The following IL17RD variants were observed in gnomAD, a reference collection of about 807,000 sequenced individuals.
The protein encoded by IL17RD is interleukin 17 receptor D, also known as interleukin-17 receptor D.
Under a neutral mutation model 80.5 loss-of-function variants are expected in IL17RD, and 52 were observed. The ratio of observed to expected loss-of-function variants is 0.65; its 90% CI spans 0.52 to 0.81. IL17RD has a LOEUF of 0.81. Ranked by LOEUF, IL17RD falls within the 40% of genes least tolerant of loss-of-function variation. IL17RD has a pLI of 0.00. For synonymous variants in IL17RD, 416 were observed against 391.8 expected (o/e 1.06, Z -0.73); for missense variants, 1,024 against 955.1 (o/e 1.07, Z -0.95).
At chr3:57,133,070 T>A (rs1400916219) in intron 1 of IL17RD, among the ~76,000 whole-genome samples, 1 of 152,162 alleles carries the variant, frequency 6.6e-6, no homozygotes, top group Non-Finnish European at 1.5e-5. Context: ...ACAGCAAAAC[T>A]CATTCAGCTT....
At chr3:57,150,226 T>A (rs1433556333) in intron 1 of IL17RD, 1 of 152,280 alleles carries the variant, frequency 6.6e-6, no homozygotes, top group African/African-American at 2.4e-5. Flanking sequence ...TTTGGGAATC[T>A]TTGGGGTAAT....
At chr3:57,132,691 T>C (rs1707637462) in intron 1 of IL17RD, among the ~76,000 whole-genome samples, 1 of 152,188 alleles carries the variant, frequency 6.6e-6, no homozygotes, top group East Asian at 1.9e-4. Flanking sequence ...GTTGAGCACA[T>C]AAACCCATCA....
At chr3:57,121,419 A>G (rs1401134668) in intron 1 of IL17RD, among the ~76,000 whole-genome samples, 1 of 152,132 alleles carries the variant, frequency 6.6e-6, no homozygotes, top group Admixed American at 6.5e-5. Flanking sequence ...GTATCCCTGA[A>G]CTCAGATATA....
At chr3:57,135,476 T>C (rs1707706139) in intron 1 of IL17RD, among the ~76,000 whole-genome samples, 1 of 152,224 alleles carries the variant, frequency 6.6e-6, no homozygotes, top group African/African-American at 2.4e-5. Context: ...TTTGTAAAGA[T>C]AACAAGTTCA....
intron 2 of IL17RD, among the ~76,000 whole-genome samples, chr3:57,116,283 T>A (rs1347480949): frequency 6.3e-4 from 2 of 3,170 alleles, no homozygotes; most frequent in African/African-American, 2.0e-3. Context: ...TTTTCTTTTC[T>A]TTTTTTTTTT....
intron 1 of IL17RD, among the ~76,000 whole-genome samples, chr3:57,138,513 G>A (rs1707770283): frequency 6.6e-6 from 1 of 152,190 alleles, no homozygotes; most frequent in East Asian, 1.9e-4. Context: ...AGGTCTGAGA[G>A]GCATTTTTAA....
chr3:57,106,247 C>G (rs1706964006), intron 5 of IL17RD, 93 bp from the exon 6 acceptor site: 1 of 888,596 alleles, frequency 1.1e-6, no homozygotes, highest in Non-Finnish European at 1.8e-6. Flanking sequence ...GATACTGTGC[C>G]GGGTGATGCT....
At chr3:57,169,738 CT>C (rs2060361630), upstream of IL17RD, among the ~76,000 whole-genome samples, 2 of 152,156 alleles carry the variant, frequency 1.3e-5, no homozygotes, top group Non-Finnish European at 1.5e-5. Flanking sequence ...CACTGTACCC[CT>C]GACCCCAGTC....
Position 57,096,478 on chromosome 3 carries a change from G to C in IL17RD, c.2135C>G (p.Ser712Cys), listed in dbSNP as rs751675909. ...GCATGACCCAGAAGAGAGGAGCTTG[G>C]AAGGAAGGGCAGGAGGTTCCTCCTC... ...LGEEEPPALPSKLLSSGSCKA... is the reference protein window; with the variant it reads ...LGEEEPPALPCKLLSSGSCKA... The change falls in exon 13 of 13, where the codon TCC becomes TGC. Residue 712 changes from serine (S) to cysteine (C), a missense_variant. Ser to Cys is a moderately radical substitution (Grantham distance 112). Transcript: ENST00000296318. 1.9e-6 allele frequency: 3 copies of C among 1,613,692 alleles called. No homozygotes were observed. Among genetic ancestry groups the C allele is most frequent in the Non-Finnish European group, 1.7e-6 (2 of 1,179,694 alleles).
chr3:57,096,186 C>G lies in IL17RD; in HGVS notation c.*207G>C, dbSNP rs1244466191. On this transcript the variant is annotated 3_prime_UTR_variant, in exon 13 of 13. Coordinates refer to ENST00000296318, the MANE Select transcript of IL17RD (RefSeq NM_017563.5). ...GACCTTATGGACATGCCTTTCAGAG[C>G]TCCATATCATTTTAGAAAATTGGAG... 5.3e-6 allele frequency: 3 copies of G among 561,260 alleles called. No individual in the cohort carries two copies. The highest frequency in any genetic ancestry group is 9.7e-6 in the Non-Finnish European group (3 of 309,542). 34.8% of individuals were successfully genotyped at this position (561,260 alleles called of 1,614,324 possible).
At chr3:57,097,158 T>C (rs1248953195) in intron 12 of IL17RD, among the ~76,000 whole-genome samples, 4 of 151,468 alleles carry the variant, frequency 2.6e-5, no homozygotes, top group Admixed American at 2.0e-4. Flanking sequence ...TGCTGAAGGA[T>C]AGAAAGAATA....
At chr3:57,150,078 C>G (rs1708023259) in intron 1 of IL17RD, among the ~76,000 whole-genome samples, 1 of 152,152 alleles carries the variant, frequency 6.6e-6, no homozygotes, top group African/African-American at 2.4e-5. Flanking sequence ...CCCTGGCAAT[C>G]ACTAATCTGG....
intron 12 of IL17RD, 32 bp from the exon 13 acceptor site, chr3:57,096,537 G>C: frequency 1.4e-6 from 2 of 1,424,252 alleles, no homozygotes; most frequent in Non-Finnish European, 9.9e-7. Flanking sequence ...GAGTCACACT[G>C]TCATTGCATT....
chr3:57,123,113 T>C (rs576937419), intron 1 of IL17RD, among the ~76,000 whole-genome samples: 1 of 152,294 alleles, frequency 6.6e-6, no homozygotes, highest in African/African-American at 2.4e-5. Flanking sequence ...GTGATGTGTG[T>C]GGAACTGTTC....
intron 1 of IL17RD, among the ~76,000 whole-genome samples, chr3:57,142,275 C>T (rs920336289): frequency 2.0e-5 from 3 of 152,102 alleles, no homozygotes; most frequent in Non-Finnish European, 4.4e-5. Context: ...AAAATGGGAG[C>T]CAATACATTC....
At chr3:57,158,016 G>C (rs79397377) in intron 1 of IL17RD, among the ~76,000 whole-genome samples, 1 of 152,198 alleles carries the variant, frequency 6.6e-6, no homozygotes. Flanking sequence ...CTGAAAAAAA[G>C]TTGTATTTAA....
intron 1 of IL17RD, among the ~76,000 whole-genome samples, chr3:57,136,863 A>G (rs116719609): frequency 0.026 from 3,892 of 152,116 alleles, 73 homozygotes; most frequent in Admixed American, 0.043. Flanking sequence ...GTTTACAATT[A>G]GTTTTGGAAA....
At chr3:57,096,607 G>T in intron 12 of IL17RD, 102 bp from the exon 13 acceptor site, 1 of 833,320 alleles carries the variant, frequency 1.2e-6, no homozygotes, top group Non-Finnish European at 2.1e-6. Context: ...TGGACTATGG[G>T]CTCTGTATAA....
chr3:57,100,097 C>G (rs1048750946), intron 11 of IL17RD, among the ~76,000 whole-genome samples: 1 of 152,204 alleles, frequency 6.6e-6, no homozygotes, highest in Non-Finnish European at 1.5e-5. Context: ...ATAACTATTA[C>G]ACTAATAACT....
Sources: gnomAD v4.1 joint callset for allele counts (sites outside exome capture counted in the v4.1 genomes callset) on GRCh38, gnomAD v4.1.1 for gene constraint, MANE v1.5 for transcripts, NCBI Gene and HGNC (gene_info 2026-07-23, HGNC 2026-07-21) for gene names.